FHIT: variants seen among roughly 807,000 people sequenced by gnomAD.
The protein encoded by FHIT is fragile histidine triad diadenosine triphosphatase, also known as bis(5'-adenosyl)-triphosphatase.
FHIT carries 19 observed loss-of-function variants against 17.9 expected under a neutral mutation model. That is an observed-to-expected ratio of 1.06 (90% CI 0.74 to 1.56). The LOEUF (loss-of-function observed/expected upper bound fraction) is 1.56. Among genes scored for constraint, FHIT ranks in the 40% most tolerant of loss-of-function variants. FHIT has a pLI of 0.00. For missense variants in FHIT, 248 were observed against 189.2 expected, an observed-to-expected ratio of 1.31 and a Z score of -1.82; for synonymous variants, 81 against 69.7, an observed-to-expected ratio of 1.16 and a Z score of -0.81.
At chr3:60,104,404 A>T (rs1031390854) in intron 5 of FHIT, among the ~76,000 whole-genome samples, 1 of 152,166 alleles carries the variant, frequency 6.6e-6, no homozygotes, top group African/African-American at 2.4e-5. Context: ...AAACAACTAT[A>T]AGTGACTTTA....
chr3:59,791,677 G>A (rs1356082430), intron 8 of FHIT, among the ~76,000 whole-genome samples: 1 of 152,120 alleles, frequency 6.6e-6, no homozygotes, highest in East Asian at 1.9e-4. Flanking sequence ...TATTCCCAAT[G>A]CTGAGTATAG....
intron 2 of FHIT, among the ~76,000 whole-genome samples, chr3:61,043,677 T>C (rs1188397244): frequency 1.3e-5 from 2 of 152,134 alleles, no homozygotes; most frequent in Non-Finnish European, 2.9e-5. Context: ...ACAGACTGCC[T>C]CTTCAAGTGG....
intron 7 of FHIT, among the ~76,000 whole-genome samples, chr3:59,969,881 T>C (rs1708098556): frequency 6.6e-6 from 1 of 152,122 alleles, no homozygotes; most frequent in African/African-American, 2.4e-5. Flanking sequence ...AAGGAAAGGA[T>C]CGTTGAAGTT....
chr3:61,165,543 T>G (rs1020056588), intron 2 of FHIT: 2 of 152,166 alleles, frequency 1.3e-5, no homozygotes, highest in Non-Finnish European at 2.9e-5. Flanking sequence ...GCCTAGAAAA[T>G]TGACTGACAG....
chr3:60,501,865 C>T (rs562915972), intron 5 of FHIT, among the ~76,000 whole-genome samples: 11 of 152,302 alleles, frequency 7.2e-5, no homozygotes, highest in South Asian at 2.1e-4. Context: ...ATGCATATTA[C>T]GCACTCAGTA....
chr3:59,942,473 A>G (rs1033586165), intron 7 of FHIT, among the ~76,000 whole-genome samples: 1 of 152,148 alleles, frequency 6.6e-6, no homozygotes, highest in African/African-American at 2.4e-5. Context: ...TGAGGTTGGT[A>G]AAAGGAAGGC....
At chr3:60,920,219 T>C (rs974742710) in intron 3 of FHIT, among the ~76,000 whole-genome samples, 2 of 152,162 alleles carry the variant, frequency 1.3e-5, no homozygotes, top group Non-Finnish European at 2.9e-5. Flanking sequence ...TAGCACAGCA[T>C]TTGCCTATAA....
At chr3:60,344,357 G>A (rs1176388707) in intron 5 of FHIT, among the ~76,000 whole-genome samples, 2 of 152,148 alleles carry the variant, frequency 1.3e-5, no homozygotes, top group African/African-American at 4.8e-5. Context: ...TAGCAATCTA[G>A]AAGAGTGAAC....
intron 5 of FHIT, among the ~76,000 whole-genome samples, chr3:60,079,874 T>G (rs919186076): frequency 1.3e-5 from 2 of 151,942 alleles, no homozygotes; most frequent in African/African-American, 4.8e-5. Context: ...CTGAAAAAAA[T>G]AATGCCCAGA....
At chr3:59,757,853 T>C (rs1051387640) in intron 8 of FHIT, among the ~76,000 whole-genome samples, 3 of 152,246 alleles carry the variant, frequency 2.0e-5, no homozygotes, top group African/African-American at 7.2e-5. Context: ...ATTGTTTTTT[T>C]AGATCTGATC....
chr3:61,020,109 CCA>C (rs1394754189), intron 3 of FHIT, among the ~76,000 whole-genome samples: 4 of 152,122 alleles, frequency 2.6e-5, no homozygotes, highest in Non-Finnish European at 5.9e-5. Flanking sequence ...TGAGGAATTG[CCA>C]CACAGTCTTC....
intron 4 of FHIT, among the ~76,000 whole-genome samples, chr3:60,575,280 G>T (rs782396063): frequency 3.9e-5 from 6 of 152,176 alleles, no homozygotes; most frequent in Non-Finnish European, 7.4e-5. Context: ...TATGTCGGAA[G>T]GGATGTCTAG....
rs909047186 is a variant in FHIT, at chr3:60,834,902, T to C, written c.-110-12891A>G. On this transcript the variant is annotated intron_variant, in intron 3 of 9. Coordinates refer to ENST00000492590, the MANE Select transcript of FHIT (RefSeq NM_002012.4). ...AAAAGAAAAAAAAAAAAAAAAACTC[T>C]TTCACGGTGCAAAAGCAAAAGTTTT... Among the ~76,000 whole-genome samples, 5 of 151,166 alleles carry C rather than the reference T, an allele frequency of 3.3e-5. 1 individual carries two copies. The highest frequency in any genetic ancestry group is 6.6e-5 in the Admixed American group (1 of 15,182).
chr3:60,151,955 C>A (rs1559679783), intron 5 of FHIT, among the ~76,000 whole-genome samples: 2 of 152,170 alleles, frequency 1.3e-5, no homozygotes, highest in African/African-American at 2.4e-5. Context: ...TCCCTATGGG[C>A]ACAAGTACTT....
chr3:60,330,488 G>C (rs552342525), intron 5 of FHIT, among the ~76,000 whole-genome samples: 2 of 152,316 alleles, frequency 1.3e-5, no homozygotes, highest in South Asian at 2.1e-4. Context: ...AGGCATGACT[G>C]TTCACTGTGC....
At position 60,614,798 on chromosome 3, in the gene FHIT, T is replaced by C. The variant is rs1052947187; in HGVS notation, c.-17-77819A>G. Among the ~76,000 whole-genome samples the C allele has an allele frequency of 6.0e-5, 9 of 150,310 alleles. 1 individual carries two copies. Among genetic ancestry groups the C allele is most frequent in the Non-Finnish European group, 8.9e-5 (6 of 67,772 alleles). On this transcript the variant is annotated intron_variant, in intron 4 of 9. Coordinates refer to ENST00000492590, the MANE Select transcript of FHIT (RefSeq NM_002012.4). The stretch of plus-strand genomic sequence containing the variant: ...TAACTAGCCATCGATTTGTAAAAAA[T>C]TGCAAAAGTTGTTTTTTTTTTGTTT...
intron 5 of FHIT, among the ~76,000 whole-genome samples, chr3:60,341,340 T>C (rs897034998): frequency 6.6e-5 from 10 of 152,156 alleles, no homozygotes; most frequent in African/African-American, 2.4e-4. Flanking sequence ...AGTTTAAAAA[T>C]TGAGTAAATA....
At chr3:59,847,368 A>G (rs1701760395) in intron 8 of FHIT, among the ~76,000 whole-genome samples, 1 of 151,948 alleles carries the variant, frequency 6.6e-6, no homozygotes, top group Non-Finnish European at 1.5e-5. Context: ...TCTGCCTTTG[A>G]GTTCTAGTGA....
chr3:60,304,417 A>G (rs1340094988), intron 5 of FHIT, among the ~76,000 whole-genome samples: 1 of 151,872 alleles, frequency 6.6e-6, no homozygotes, highest in Non-Finnish European at 1.5e-5. Flanking sequence ...ATACTTTCAC[A>G]TTGCTTACTA....
Sources: allele counts gnomAD v4.1 joint callset (sites outside exome capture counted in the v4.1 genomes callset), GRCh38; gene constraint gnomAD v4.1.1; transcripts MANE v1.5; gene names NCBI Gene and HGNC (gene_info 2026-07-23, HGNC 2026-07-21).